The following LRP5 variants were observed in gnomAD, a reference collection of about 807,000 sequenced individuals.
LRP5 encodes the protein low-density lipoprotein receptor-related protein 5.
LRP5 carries 62 observed loss-of-function variants against 154.1 expected under a neutral mutation model. The ratio of observed to expected loss-of-function variants is 0.40; its 90% confidence interval spans 0.33 to 0.50. The LOEUF is 0.50. LRP5 is among the 20% of genes least tolerant of loss of function. LRP5 has a pLI of 0.55. For synonymous variants in LRP5, 966 were observed against 1,011.5 expected (o/e 0.96, Z 0.85); for missense variants, 1,915 against 2,336.7 (o/e 0.82, Z 3.72).
chr11:68,390,346 G>C (rs529382007), intron 7 of LRP5, among the ~76,000 whole-genome samples: 2 of 152,230 alleles, frequency 1.3e-5, no homozygotes, highest in Non-Finnish European at 2.9e-5. Flanking sequence ...GGCCAGCCCG[G>C]GCAAAGGGGA....
chr11:68,447,464 C>G lies in LRP5; in HGVS notation c.4586+931C>G, dbSNP rs893517456. ...GGAACTGCAGCCTCCATTTCCACCCCACTCCGGGTCGGGCCACCTCCCTGA... is the reference window on the plus strand; with the variant it reads ...GGAACTGCAGCCTCCATTTCCACCCGACTCCGGGTCGGGCCACCTCCCTGA... On this transcript the variant is annotated intron_variant, in intron 22 of 22. Transcript: ENST00000294304. The surrounding 1 kb of genome is among the most constrained non-coding windows in gnomAD (Gnocchi z 4.3). 6.6e-5 allele frequency among the ~76,000 whole-genome samples: 10 copies of G among 152,122 alleles called. No homozygotes were observed. Among genetic ancestry groups the G allele is most frequent in the African/African-American group, 1.7e-4 (7 of 41,424 alleles).
intron 1 of LRP5, among the ~76,000 whole-genome samples, chr11:68,327,896 A>G (rs2098600610): frequency 6.6e-6 from 1 of 152,224 alleles, no homozygotes; most frequent in African/African-American, 2.4e-5. Flanking sequence ...CTGCAACACC[A>G]TAGTGCTCAG....
chr11:68,301,055 T>G, the LRP5 span, among the ~76,000 whole-genome samples: 5 of 147,838 alleles, frequency 3.4e-5, no homozygotes, highest in Non-Finnish European at 7.6e-5. Flanking sequence ...TCAGCCTCCC[T>G]AGTAGCTGGG....
At chr11:68,361,967 T>C (rs1035485279) in intron 3 of LRP5, among the ~76,000 whole-genome samples, 7 of 152,232 alleles carry the variant, frequency 4.6e-5, no homozygotes, top group Non-Finnish European at 1.0e-4. Flanking sequence ...AAAATGTGAA[T>C]GGACAGTAAT....
rs77935638 is a variant in LRP5, at chr11:68,430,818, C to G, written c.3763+1118C>G. Among the ~76,000 whole-genome samples the G allele has an allele frequency of 4.0e-3, 607 of 152,280 alleles. 4 individuals carry two copies. Among genetic ancestry groups the G allele is most frequent in the African/African-American group, 0.014 (587 of 41,560 alleles). ...AGAGTGGGGTAGTGAAGAACCTGGACTTTAGGGCCAAAGAGGCCAGGGTTC... is the reference window on the plus strand; with the variant it reads ...AGAGTGGGGTAGTGAAGAACCTGGAGTTTAGGGCCAAAGAGGCCAGGGTTC... On this transcript the variant is annotated intron_variant, in intron 17 of 22. Coordinates refer to ENST00000294304, the MANE Select transcript of LRP5 (RefSeq NM_002335.4).
chr11:68,362,024 A>G (rs554429890), intron 3 of LRP5, among the ~76,000 whole-genome samples: 2 of 152,322 alleles, frequency 1.3e-5, no homozygotes, highest in South Asian at 4.1e-4. Context: ...AAATGACACA[A>G]AGGTCCCCCA....
chr11:68,365,661 C>G lies in LRP5; in HGVS notation c.974C>G (p.Thr325Arg). 1 of 1,399,758 alleles carries G rather than the reference C, an allele frequency of 7.1e-7. No individual in the cohort carries two copies. The highest frequency in any genetic ancestry group is 1.1e-5 in the South Asian group (1 of 88,504). The allele number at this position is 1,399,758 out of a possible 1,614,324, so 86.7% of individuals were successfully genotyped here. The change falls in exon 5 of 23, where the codon ACG (threonine) becomes AGG (arginine). Residue 325 changes from threonine (T) to arginine (R), a missense_variant. By Grantham distance (71) the Thr-to-Arg change is moderately conservative. Coordinates refer to ENST00000294304, the MANE Select transcript of LRP5 (RefSeq NM_002335.4). ...CCTTTCTACACATGCGCCTGCCCCA[C>G]GGGTGTGCAGCTGCAGGACAACGGC... ...SEPFYTCACP[T>R]GVQLQDNGRT...
intron 5 of LRP5, among the ~76,000 whole-genome samples, chr11:68,375,468 C>G (rs1000254215): frequency 9.9e-5 from 15 of 152,212 alleles, no homozygotes; most frequent in African/African-American, 2.7e-4. Context: ...CTGTGCCCAC[C>G]ACCTGGAGCA....
At chr11:68,392,894 A>C (rs1329179609) in intron 7 of LRP5, among the ~76,000 whole-genome samples, 1 of 152,116 alleles carries the variant, frequency 6.6e-6, no homozygotes, top group Non-Finnish European at 1.5e-5. Flanking sequence ...TGGGAGGCCA[A>C]GGCGGGACGA....
chr11:68,369,353 T>C (rs968121143), intron 5 of LRP5, among the ~76,000 whole-genome samples: 4 of 152,128 alleles, frequency 2.6e-5, no homozygotes, highest in African/African-American at 9.7e-5. Context: ...GCCTAAACAC[T>C]GTGTTGCATC....
rs1424065999 is a variant in LRP5 at position 68,386,305 on chromosome 11, T to C, written c.1016-11T>C. 1.9e-6 allele frequency: 3 copies of C among 1,610,426 alleles called. No individual in the cohort carries two copies. The highest frequency in any genetic ancestry group is 2.7e-5 in the African/African-American group (2 of 74,900). On this transcript the variant is annotated splice_polypyrimidine_tract_variant and intron_variant, in intron 5 of 22. Transcript: ENST00000294304. The surrounding 1 kb of genome is among the most constrained non-coding windows in gnomAD (Gnocchi z 7.9). ...CCTTGACCCCTGACCCCATTGCACCTGTCTCCACAGGAGCCGAGGAGGTGC... is the reference window on the plus strand; with the variant it reads ...CCTTGACCCCTGACCCCATTGCACCCGTCTCCACAGGAGCCGAGGAGGTGC...
intron 2 of LRP5, 105 bp downstream of exon 2, chr11:68,348,348 CTCT>C (rs1399355196): frequency 6.8e-7 from 1 of 1,472,648 alleles, no homozygotes; most frequent in Non-Finnish European, 9.3e-7. Flanking sequence ...AAGGGTGTGA[CTCT>C]GAAAATGAAC....
chr11:68,408,570 GAT>G (rs2098657057), intron 9 of LRP5, among the ~76,000 whole-genome samples: 2 of 152,086 alleles, frequency 1.3e-5, no homozygotes, highest in Non-Finnish European at 2.9e-5. Flanking sequence ...TTTTCTCTAA[GAT>G]AGCATTTCTC....
At chr11:68,392,788 C>A (rs7939653) in intron 7 of LRP5, among the ~76,000 whole-genome samples, 11,056 of 152,086 alleles carry the variant, frequency 0.073, 1,333 homozygotes, top group African/African-American at 0.25. Flanking sequence ...CTTTCCATAG[C>A]ATTGTGTTTT....
At chr11:68,419,998 C>T (rs1433180051) in intron 13 of LRP5, among the ~76,000 whole-genome samples, 4 of 152,006 alleles carry the variant, frequency 2.6e-5, no homozygotes, top group Admixed American at 2.6e-4. Flanking sequence ...CACCATGTTG[C>T]CCAGGCTGGG....
intron 1 of LRP5, among the ~76,000 whole-genome samples, chr11:68,330,977 C>T (rs2098602432): frequency 6.6e-6 from 1 of 152,224 alleles, no homozygotes; most frequent in Admixed American, 6.5e-5. Context: ...TTCACTTCTG[C>T]CTCTAGGCCA....
chr11:68,416,286 C>G, intron 12 of LRP5, 42 bp from the exon 13 acceptor site: 1 of 1,580,702 alleles, frequency 6.3e-7, no homozygotes, highest in Non-Finnish European at 8.7e-7. Context: ...TCCTCTGTGG[C>G]TTACAGACAC....
intron 3 of LRP5, among the ~76,000 whole-genome samples, chr11:68,358,668 A>G (rs2098625237): frequency 6.6e-6 from 1 of 152,186 alleles, no homozygotes; most frequent in African/African-American, 2.4e-5. Flanking sequence ...TGCTCAATAA[A>G]ATGGGCCGAG....
At chr11:68,409,881 A>C in intron 9 of LRP5, 33 bp from the exon 10 acceptor site, 3 of 1,526,384 alleles carry the variant, frequency 2.0e-6, no homozygotes. Context: ...TGGTTCCTAA[A>C]ATGTGGCCCT....
Sources: allele counts gnomAD v4.1 joint callset (sites outside exome capture counted in the v4.1 genomes callset), GRCh38; gene constraint gnomAD v4.1.1; non-coding constraint Gnocchi (gnomAD v3.1); transcripts MANE v1.5; gene names NCBI Gene and HGNC (gene_info 2026-07-23, HGNC 2026-07-21).